The following SH3GL3 variants were observed in gnomAD, a reference collection of about 807,000 sequenced individuals.
The protein encoded by SH3GL3 is endophilin-A3.
A neutral mutation model predicts 47.7 loss-of-function variants in SH3GL3; 33 were observed. That is an observed-to-expected ratio of 0.69 (90% CI 0.52 to 0.92). The LOEUF (loss-of-function observed/expected upper bound fraction) is 0.92. Ranked by LOEUF, SH3GL3 falls within the 40% of genes least tolerant of loss-of-function variation. The probability of loss-of-function intolerance (pLI) is 0.00; values close to 1 mark genes in which losing one functional copy is unlikely to be tolerated. For missense variants in SH3GL3, 363 were observed against 417.8 expected (o/e 0.87, Z 1.14); for synonymous variants, 155 against 148.8 (o/e 1.04, Z -0.30).
chr15:83,589,076 T>A (rs2060024994), intron 8 of SH3GL3, among the ~76,000 whole-genome samples: 1 of 152,304 alleles, frequency 6.6e-6, no homozygotes, highest in East Asian at 1.9e-4. Context: ...AAATTAGCAT[T>A]TTTGAGCAAC....
chr15:83,531,993 G>A (rs2043696301), intron 1 of SH3GL3, among the ~76,000 whole-genome samples: 1 of 152,176 alleles, frequency 6.6e-6, no homozygotes, highest in South Asian at 2.1e-4. Context: ...ACTTCAGCAT[G>A]TACAAGTTGC....
chr15:83,486,865 C>T (rs1191243503), intron 1 of SH3GL3, among the ~76,000 whole-genome samples: 2 of 152,154 alleles, frequency 1.3e-5, no homozygotes, highest in Non-Finnish European at 2.9e-5. Context: ...CAGATGGCTA[C>T]CTTCTCCCTG....
At chr15:83,469,108 T>C (rs982005622) in intron 1 of SH3GL3, among the ~76,000 whole-genome samples, 12 of 152,178 alleles carry the variant, frequency 7.9e-5, no homozygotes, top group African/African-American at 2.9e-4. Flanking sequence ...TGATCAGTTT[T>C]AGGCATGAGA....
At chr15:83,595,539 C>T (rs1350917160) in intron 8 of SH3GL3, among the ~76,000 whole-genome samples, 1 of 148,918 alleles carries the variant, frequency 6.7e-6, no homozygotes, top group East Asian at 2.0e-4. Flanking sequence ...GCCCTATCAA[C>T]AAGATTAATC....
chr15:83,579,964 C>T (rs1274492347), intron 6 of SH3GL3, among the ~76,000 whole-genome samples: 2 of 152,220 alleles, frequency 1.3e-5, no homozygotes, highest in Admixed American at 6.5e-5. Context: ...AATGCCGATA[C>T]TGCCTGGTGC....
At chr15:83,622,924 G>A (rs555860369), downstream of SH3GL3, among the ~76,000 whole-genome samples, 12 of 152,316 alleles carry the variant, frequency 7.9e-5, no homozygotes, top group South Asian at 2.1e-4. Context: ...CATTTCTCCC[G>A]AGGCAATGGA....
intron 1 of SH3GL3, among the ~76,000 whole-genome samples, chr15:83,506,090 T>C (rs1413873308): frequency 1.3e-5 from 2 of 152,184 alleles, no homozygotes; most frequent in African/African-American, 4.8e-5. Flanking sequence ...AACATGTAGG[T>C]TTTTTTCGTA....
At chr15:83,515,587 T>A (rs2042948074) in intron 1 of SH3GL3, among the ~76,000 whole-genome samples, 1 of 152,132 alleles carries the variant, frequency 6.6e-6, no homozygotes, top group African/African-American at 2.4e-5. Context: ...CCTGTGTGAA[T>A]TAAGGACCCC....
intron 1 of SH3GL3, among the ~76,000 whole-genome samples, chr15:83,488,531 C>A (rs1350497269): frequency 2.0e-5 from 3 of 152,182 alleles, no homozygotes; most frequent in African/African-American, 4.8e-5. Context: ...ACATGGTGCT[C>A]TTTGTATGAG....
chr15:83,497,160 C>A (rs191801973), intron 1 of SH3GL3, among the ~76,000 whole-genome samples: 9 of 152,248 alleles, frequency 5.9e-5, no homozygotes, highest in African/African-American at 2.2e-4. Context: ...GTCACTAATC[C>A]TTTATTATGT....
chr15:83,591,687 T>G (rs2060102831), intron 8 of SH3GL3, among the ~76,000 whole-genome samples: 1 of 152,036 alleles, frequency 6.6e-6, no homozygotes, highest in African/African-American at 2.4e-5. Context: ...TTTTATTTTA[T>G]TTATTTTTAT....
chr15:83,628,981 T>G, the SH3GL3 span, among the ~76,000 whole-genome samples: 3 of 152,088 alleles, frequency 2.0e-5, no homozygotes, highest in Non-Finnish European at 4.4e-5. Flanking sequence ...ATTAAAACTA[T>G]AAAAAGCAGT....
intron 1 of SH3GL3, among the ~76,000 whole-genome samples, chr15:83,462,186 C>T (rs538803255): frequency 9.0e-4 from 137 of 152,322 alleles, no homozygotes; most frequent in African/African-American, 3.2e-3. Context: ...GTTCACCAAA[C>T]CGCCTGATGC....
intron 1 of SH3GL3, among the ~76,000 whole-genome samples, chr15:83,556,731 CA>C (rs373371506): frequency 8.8e-5 from 13 of 148,104 alleles, no homozygotes; most frequent in African/African-American, 2.5e-4. Flanking sequence ...CGACTTAAGA[CA>C]AAAAAAAAAG....
intron 1 of SH3GL3, among the ~76,000 whole-genome samples, chr15:83,534,952 T>C (rs1356026264): frequency 6.6e-6 from 1 of 152,124 alleles, no homozygotes; most frequent in Non-Finnish European, 1.5e-5. Context: ...AGGAAAAAGG[T>C]GGAAAGAATT....
intron 8 of SH3GL3, among the ~76,000 whole-genome samples, chr15:83,594,609 T>G (rs1300447834): frequency 6.6e-6 from 1 of 152,206 alleles, no homozygotes; most frequent in East Asian, 1.9e-4. Context: ...TCCTTCGGCC[T>G]CTCTTGCTGT....
chr15:83,544,172 C>T (rs1339366785), intron 1 of SH3GL3, among the ~76,000 whole-genome samples: 1 of 151,832 alleles, frequency 6.6e-6, no homozygotes, highest in Non-Finnish European at 1.5e-5. Context: ...GTTAGTACTG[C>T]TTTTGCTGTA....
chr15:83,460,998 G>T (rs1202073357), intron 1 of SH3GL3, among the ~76,000 whole-genome samples: 4 of 151,950 alleles, frequency 2.6e-5, no homozygotes, highest in Non-Finnish European at 4.4e-5. Context: ...CAGGAGAATG[G>T]TGTGAACCCG....
In SH3GL3 at chr15:83,568,567, AAGATCCG is replaced by A; in HGVS notation, c.229_235del (p.Ile77GlyfsTer3). The A allele has an allele frequency of 6.2e-7, 1 of 1,613,676 alleles. No individual in the cohort carries two copies. The highest frequency in any genetic ancestry group is 8.5e-7 in the Non-Finnish European group (1 of 1,179,590). The stretch of plus-strand genomic sequence containing the variant: ...GCTAGGAATGCTGAACACTGTGTCG[AAGATCCG>A]AGGGCAGGTGAAGACCACAGGATAC... On this transcript the variant is annotated frameshift_variant, in exon 4 of 9. Coordinates refer to ENST00000427482, the MANE Select transcript of SH3GL3 (RefSeq NM_003027.5). LOFTEE classifies it high-confidence loss of function.
Sources: gnomAD v4.1 joint callset for allele counts (sites outside exome capture counted in the v4.1 genomes callset) on GRCh38, gnomAD v4.1.1 for gene constraint, MANE v1.5 for transcripts, NCBI Gene and HGNC (gene_info 2026-07-23, HGNC 2026-07-21) for gene names.